The following CDYL2 variants were observed in gnomAD, a reference collection of about 807,000 sequenced individuals.
The protein encoded by CDYL2 is chromodomain Y like 2, also known as chromodomain Y-like protein 2.
CDYL2 carries 23 observed loss-of-function variants against 49.4 expected under a neutral mutation model. The observed-to-expected ratio is 0.47, with a 90% CI of 0.34 to 0.66. CDYL2 has a LOEUF of 0.66. Ranked by LOEUF, CDYL2 falls within the 30% of genes least tolerant of loss-of-function variation. CDYL2 has a pLI of 0.01. For missense variants in CDYL2, 678 were observed against 656.4 expected (o/e 1.03, Z -0.36); for synonymous variants, 360 against 268.8 (o/e 1.34, Z -3.32).
intron 1 of CDYL2, among the ~76,000 whole-genome samples, chr16:80,713,198 A>G (rs1467465366): frequency 6.6e-6 from 1 of 152,192 alleles, no homozygotes; most frequent in African/African-American, 2.4e-5. Context: ...TGTCTGCTAC[A>G]CTGCAGGCAT....
intron 4 of CDYL2, among the ~76,000 whole-genome samples, chr16:80,614,620 G>C (rs28650484): frequency 0.23 from 35,237 of 152,136 alleles, 8,620 homozygotes; most frequent in African/African-American, 0.61. Flanking sequence ...AATCCCAGCA[G>C]TGTGGGAGGC....
At chr16:80,712,129 ATG>A (rs1258695933) in intron 1 of CDYL2, among the ~76,000 whole-genome samples, 14 of 145,838 alleles carry the variant, frequency 9.6e-5, no homozygotes, top group Non-Finnish European at 1.5e-4. Context: ...GTGTATATAT[ATG>A]TGTGTACATA....
intron 1 of CDYL2, among the ~76,000 whole-genome samples, chr16:80,723,557 C>CTTATCCCAATGAGATACTGAT (rs1905071994): frequency 1.3e-5 from 2 of 152,210 alleles, no homozygotes; most frequent in East Asian, 3.8e-4. Context: ...GCACACTGAT[C>CTTATCCCAATGAGATACTGAT]TTATCCCAAT....
chr16:80,653,322 G>A (rs1402007276), intron 2 of CDYL2, among the ~76,000 whole-genome samples: 12 of 152,078 alleles, frequency 7.9e-5, no homozygotes, highest in Admixed American at 6.6e-5. Flanking sequence ...AAAATTAGCC[G>A]GGCATGGTGG....
At chr16:80,620,318 C>T (rs1234688689) in intron 4 of CDYL2, among the ~76,000 whole-genome samples, 2 of 152,154 alleles carry the variant, frequency 1.3e-5, no homozygotes, top group Non-Finnish European at 2.9e-5. Context: ...CCAGGGAACC[C>T]CTCCATCAAC....
intron 2 of CDYL2, among the ~76,000 whole-genome samples, chr16:80,644,640 A>G (rs1273870883): frequency 6.6e-6 from 1 of 152,130 alleles, no homozygotes; most frequent in Non-Finnish European, 1.5e-5. Flanking sequence ...AAAGGCGGAA[A>G]CCCCTGATAA....
chr16:80,783,111 C>A (rs1907326497), intron 1 of CDYL2, among the ~76,000 whole-genome samples: 1 of 152,046 alleles, frequency 6.6e-6, no homozygotes, highest in East Asian at 1.9e-4. Flanking sequence ...AAAAGATAAC[C>A]AACAGGACAG....
intron 1 of CDYL2, among the ~76,000 whole-genome samples, chr16:80,734,067 A>G (rs1333976085): frequency 6.6e-6 from 1 of 152,202 alleles, no homozygotes; most frequent in Non-Finnish European, 1.5e-5. Context: ...AGTTACAGTC[A>G]AGGAATTTAG....
chr16:80,739,712 G>T (rs914283676), intron 1 of CDYL2, among the ~76,000 whole-genome samples: 7 of 152,186 alleles, frequency 4.6e-5, no homozygotes, highest in African/African-American at 1.7e-4. Context: ...CAGAGCTCAG[G>T]TGTGGGAGGT....
At chr16:80,742,736 G>A (rs538655557) in intron 1 of CDYL2, among the ~76,000 whole-genome samples, 1 of 151,718 alleles carries the variant, frequency 6.6e-6, no homozygotes, top group South Asian at 2.1e-4. Flanking sequence ...CAGGGTAGGT[G>A]GGTGAGTGAG....
chr16:80,711,372 G>A (rs1016695280), intron 1 of CDYL2, among the ~76,000 whole-genome samples: 9 of 152,212 alleles, frequency 5.9e-5, no homozygotes, highest in African/African-American at 1.7e-4. Context: ...GGAAGCAGAC[G>A]TTGACAGCTT....
intron 2 of CDYL2, among the ~76,000 whole-genome samples, chr16:80,641,660 C>T (rs1908092953): frequency 6.7e-6 from 1 of 148,530 alleles, no homozygotes; most frequent in Non-Finnish European, 1.5e-5. Context: ...AAAAACCAAA[C>T]ACTGCGTGTT....
At chr16:80,631,201 A>G (rs1482587134) in intron 3 of CDYL2, among the ~76,000 whole-genome samples, 1 of 152,194 alleles carries the variant, frequency 6.6e-6, no homozygotes, top group Non-Finnish European at 1.5e-5. Flanking sequence ...TCTCATCTAT[A>G]CAATGTGGAT....
chr16:80,600,296 A>T lies in CDYL2; in HGVS notation c.*4092T>A, dbSNP rs1361101374. On this transcript the variant is annotated 3_prime_UTR_variant, in exon 7 of 7. Transcript: ENST00000570137. ...GCTATTTTTCAAAAGAACAAGTGAT[A>T]TTAATGAAAAATATTGCCTAAAACG... 1 of 152,208 alleles carries T rather than the reference A, an allele frequency of 6.6e-6. No homozygotes were observed. Among genetic ancestry groups the T allele is most frequent in the African/African-American group, 2.4e-5 (1 of 41,468 alleles). 9.4% of individuals were successfully genotyped at this position (152,208 alleles called of 1,614,324 possible). A position where few individuals can be genotyped will look rare whatever the true frequency, so the allele number is the denominator to read the frequency against.
rs1218360475 is a variant in CDYL2 at position 80,599,012 on chromosome 16, T to C, written c.*5376A>G. On this transcript the variant is annotated 3_prime_UTR_variant, in exon 7 of 7. Coordinates refer to ENST00000570137, the MANE Select transcript of CDYL2 (RefSeq NM_152342.4). ...AATGGCACAGGGACAAATTAAATAC[T>C]AGATGGGAAACTCTACACCCTCCAA... The C allele has an allele frequency of 6.6e-6, 1 of 152,034 alleles. No individual in the cohort carries two copies. Among genetic ancestry groups the C allele is most frequent in the Non-Finnish European group, 1.5e-5 (1 of 68,010 alleles). The allele number at this position is 152,034 out of a possible 1,614,324, so 9.4% of individuals were successfully genotyped here.
intron 4 of CDYL2, among the ~76,000 whole-genome samples, chr16:80,613,662 C>T (rs1043913215): frequency 6.6e-6 from 1 of 152,232 alleles, no homozygotes; most frequent in Admixed American, 6.5e-5. Context: ...GAGCCATCAA[C>T]AATGACCTGT....
chr16:80,654,061 T>A (rs931249175), intron 2 of CDYL2, among the ~76,000 whole-genome samples: 1 of 152,056 alleles, frequency 6.6e-6, no homozygotes, highest in Non-Finnish European at 1.5e-5. Flanking sequence ...ATGAAGTGAG[T>A]GACTGCCCCG....
intron 1 of CDYL2, among the ~76,000 whole-genome samples, chr16:80,708,183 T>C (rs566898695): frequency 5.9e-5 from 9 of 152,288 alleles, no homozygotes; most frequent in African/African-American, 1.9e-4. Flanking sequence ...TCCATTATCT[T>C]GTCATATGGT....
Position 80,642,705 on chromosome 16 carries a change from A to G in CDYL2, c.617-9469T>C, listed in dbSNP as rs144718441. ...TTACATAGCAGTGGCAAGAGGAAAT[A>G]AGGAAGATGCAAAAGTGGAAACCCT... On this transcript the variant is annotated intron_variant, in intron 2 of 6. Coordinates refer to ENST00000570137, the MANE Select transcript of CDYL2 (RefSeq NM_152342.4). 3.1e-4 allele frequency among the ~76,000 whole-genome samples: 47 copies of G among 152,264 alleles called. No individual in the cohort carries two copies. In the East Asian group the frequency reaches 8.1e-3, roughly 26 times the overall value.
Sources: allele counts gnomAD v4.1 joint callset (sites outside exome capture counted in the v4.1 genomes callset), GRCh38; gene constraint gnomAD v4.1.1; transcripts MANE v1.5; gene names NCBI Gene and HGNC (gene_info 2026-07-23, HGNC 2026-07-21).